The following APLF variants were observed in gnomAD, a reference collection of about 807,000 sequenced individuals.
APLF encodes aprataxin and PNKP like factor.
A neutral mutation model predicts 55.6 loss-of-function variants in APLF; 61 were observed. That is an observed-to-expected ratio of 1.10 (90% confidence interval 0.89 to 1.36). The LOEUF (loss-of-function observed/expected upper bound fraction) is 1.36, where lower values mean the gene tolerates loss of function less well. APLF is among the 40% of genes most tolerant of loss of function. The pLI is 0.00. For synonymous variants in APLF, 207 were observed against 214.8 expected, an observed-to-expected ratio of 0.96 and a Z score of 0.32; for missense variants, 611 against 602.5, an observed-to-expected ratio of 1.01 and a Z score of -0.15.
intron 8 of APLF, among the ~76,000 whole-genome samples, chr2:68,552,025 A>T (rs1319048158): frequency 6.6e-6 from 1 of 151,952 alleles, no homozygotes; most frequent in Admixed American, 6.6e-5. Flanking sequence ...GCTTTTCCCG[A>T]CTTTTATGTG....
intron 1 of APLF, among the ~76,000 whole-genome samples, chr2:68,476,020 A>G (rs992607840): frequency 9.2e-5 from 14 of 151,620 alleles, no homozygotes; most frequent in African/African-American, 3.2e-4. Context: ...CTCAAATCCT[A>G]TACTAGATGA....
intron 6 of APLF, chr2:68,528,261 T>C: frequency 7.6e-7 from 1 of 1,309,690 alleles, no homozygotes; most frequent in Non-Finnish European, 1.1e-6. Context: ...TTCTTTCTCC[T>C]CCTAAGCAGC....
intron 5 of APLF, among the ~76,000 whole-genome samples, chr2:68,525,608 G>A (rs1268374856): frequency 6.6e-6 from 1 of 152,132 alleles, no homozygotes; most frequent in Non-Finnish European, 1.5e-5. Context: ...CTGGTAGAAT[G>A]CACGGCTGGA....
intron 6 of APLF, chr2:68,535,369 G>A (rs13413327): frequency 0.086 from 32,973 of 381,488 alleles, 1,695 homozygotes; most frequent in Middle Eastern, 0.15. Context: ...ACCTCATTGC[G>A]TTACTAATTT....
At chr2:68,511,493 A>G (rs1033704104) in intron 3 of APLF, among the ~76,000 whole-genome samples, 7 of 151,754 alleles carry the variant, frequency 4.6e-5, no homozygotes, top group Admixed American at 2.0e-4. Context: ...AAAATTACAT[A>G]TGGACTATAG....
At chr2:68,502,638 TATTTA>T in intron 2 of APLF, 88 bp from the exon 3 acceptor site, 1 of 832,616 alleles carries the variant, frequency 1.2e-6, no homozygotes, top group South Asian at 4.9e-5. Flanking sequence ...TATGAATTCA[TATTTA>T]ATTGTATTTT....
At position 68,568,504 on chromosome 2, in the gene APLF, T is replaced by C. The variant is rs192552497; in HGVS notation, c.1333+1117T>C. On this transcript the variant is annotated intron_variant, in intron 9 of 9. Transcript: ENST00000303795. Reference sequence around the variant, plus strand: ...AGGTTACATGTTATATATTATACTTTCTTTACTGTGGTCATATCTCATGGT... The same window carrying C: ...AGGTTACATGTTATATATTATACTTCCTTTACTGTGGTCATATCTCATGGT... 2.5e-3 allele frequency among the ~76,000 whole-genome samples: 375 copies of C among 152,296 alleles called. 3 individuals carry two copies. The highest frequency in any genetic ancestry group is 4.4e-3 in the Non-Finnish European group (298 of 68,016).
intron 8 of APLF, among the ~76,000 whole-genome samples, chr2:68,564,494 T>C (rs915402222): frequency 2.0e-5 from 3 of 152,098 alleles, no homozygotes; most frequent in African/African-American, 7.2e-5. Flanking sequence ...GCCTGGCATG[T>C]AATAAGTATT....
chr2:68,562,625 T>A (rs1573268063), intron 8 of APLF, among the ~76,000 whole-genome samples: 1 of 152,018 alleles, frequency 6.6e-6, no homozygotes, highest in Admixed American at 6.6e-5. Flanking sequence ...GTTACTTTCA[T>A]GAAAGCGATA....
In APLF at chr2:68,579,018, A is replaced by G. The variant is rs892561109; in HGVS notation, c.*996A>G. On this transcript the variant is annotated 3_prime_UTR_variant, in exon 10 of 10. Transcript: ENST00000303795. ...TTGAATTGTTAAAATGTAGTTTAGA[A>G]TCTTTAATAACAGTTGGGTTGTGTA... 2 of 984,996 alleles carry G rather than the reference A, an allele frequency of 2.0e-6. No individual in the cohort carries two copies. Among genetic ancestry groups the G allele is most frequent in the African/African-American group, 3.5e-5 (2 of 57,224 alleles). 61.0% of individuals were successfully genotyped at this position (984,996 alleles called of 1,614,324 possible). A position where few individuals can be genotyped will look rare whatever the true frequency, so the allele number is the denominator to read the frequency against.
intron 8 of APLF, among the ~76,000 whole-genome samples, chr2:68,555,406 G>T (rs557109336): frequency 6.6e-6 from 1 of 152,042 alleles, no homozygotes; most frequent in Non-Finnish European, 1.5e-5. Context: ...TTCACAATTT[G>T]TACATCTGAC....
At chr2:68,523,496 T>C (rs965222345) in intron 5 of APLF, among the ~76,000 whole-genome samples, 20 of 152,002 alleles carry the variant, frequency 1.3e-4, no homozygotes, top group African/African-American at 4.8e-4. Flanking sequence ...TTTATGCATA[T>C]GTATTTGTAG....
chr2:68,505,817 A>T (rs1676858978), intron 3 of APLF, among the ~76,000 whole-genome samples: 1 of 151,934 alleles, frequency 6.6e-6, no homozygotes, highest in Non-Finnish European at 1.5e-5. Context: ...TTGGGTTTTT[A>T]TGGAGGCTTC....
intron 2 of APLF, among the ~76,000 whole-genome samples, chr2:68,496,333 G>C (rs1441661522): frequency 6.6e-6 from 1 of 152,134 alleles, no homozygotes; most frequent in African/African-American, 2.4e-5. Flanking sequence ...TCAAGCTCCT[G>C]ACCTCAGGTG....
chr2:68,483,566 C>T (rs1211856606), intron 1 of APLF, among the ~76,000 whole-genome samples: 2 of 152,052 alleles, frequency 1.3e-5, no homozygotes, highest in East Asian at 3.8e-4. Flanking sequence ...TTGGGCACCT[C>T]TAGTCAGCCA....
chr2:68,524,420 C>T (rs1669976007), intron 5 of APLF, among the ~76,000 whole-genome samples: 1 of 152,138 alleles, frequency 6.6e-6, no homozygotes, highest in Non-Finnish European at 1.5e-5. Flanking sequence ...AACTACAGCC[C>T]ATGGGCCAAA....
intron 5 of APLF, among the ~76,000 whole-genome samples, chr2:68,521,995 CTTATATT>C (rs1224533349): frequency 1.3e-5 from 2 of 151,702 alleles, no homozygotes; most frequent in Non-Finnish European, 3.0e-5. Context: ...GTTTTTGAAC[CTTATATT>C]TTCTAGCTGT....
At position 68,567,396 on chromosome 2, in the gene APLF, G is replaced by T. The variant is rs6751531; in HGVS notation, c.1333+9G>T. On this transcript the variant is annotated intron_variant, in intron 9 of 9. Coordinates refer to ENST00000303795, the MANE Select transcript of APLF (RefSeq NM_173545.3). ...ACATAATACGCTTCCAGGTAAGTAA[G>T]TTTACTTCAGAAAATTCAAAATGAA... 0.14 allele frequency: 222,075 copies of T among 1,576,960 alleles called. 22,964 individuals are homozygous for T. The highest frequency in any genetic ancestry group is 0.55 in the African/African-American group (39,727 of 72,570).
At chr2:68,475,916 C>G (rs892489058) in intron 1 of APLF, among the ~76,000 whole-genome samples, 1 of 150,786 alleles carries the variant, frequency 6.6e-6, no homozygotes, top group Admixed American at 6.6e-5. Context: ...ACCCTCTGCT[C>G]CACAAAAGTA....
Sources: gnomAD v4.1 joint callset for allele counts (sites outside exome capture counted in the v4.1 genomes callset) on GRCh38, gnomAD v4.1.1 for gene constraint, MANE v1.5 for transcripts, NCBI Gene and HGNC (gene_info 2026-07-23, HGNC 2026-07-21) for gene names.